Variants in MARK1 observed in about 807,000 individuals in gnomAD.
MARK1 encodes serine/threonine-protein kinase MARK1.
In MARK1, 40 loss-of-function variants were observed where a neutral mutation model predicts 96.3. The observed-to-expected ratio is 0.42, with a 90% CI of 0.32 to 0.54. The LOEUF is 0.54. Ranked by LOEUF, MARK1 falls within the 20% of genes least tolerant of loss-of-function variation. The pLI is 0.16. For synonymous variants in MARK1, 317 were observed against 341.2 expected (o/e 0.93, Z 0.78); for missense variants, 719 against 984.6 (o/e 0.73, Z 3.61).
rs987153662 is a variant in MARK1 at position 220,635,241 on chromosome 1, T to A, written c.1123-135T>A. 1.5e-5 allele frequency: 12 copies of A among 814,550 alleles called. No homozygotes were observed. The African/African-American group carries it at 1.6e-4, about 11-fold the overall frequency. The allele number at this position is 814,550 out of a possible 1,614,324, so 50.5% of individuals were successfully genotyped here. Reference sequence around the variant, plus strand: ...TGCCAACTTAAAGTTCTAGGCCCAATACTACACTGTTTTTTCAGTTTGGAT... The same window carrying A: ...TGCCAACTTAAAGTTCTAGGCCCAAAACTACACTGTTTTTTCAGTTTGGAT... On this transcript the variant is annotated intron_variant, in intron 11 of 17. Transcript: ENST00000366917.
At chr1:220,631,199 C>A in intron 10 of MARK1, 65 bp downstream of exon 10, 3 of 1,024,596 alleles carry the variant, frequency 2.9e-6, no homozygotes, top group Non-Finnish European at 3.0e-6. Flanking sequence ...TTTAGTGTGC[C>A]AAAATAGTGT....
In MARK1 at chr1:220,608,853, T is replaced by TA. The variant is rs528807745; in HGVS notation, c.495+4717dup. Among the ~76,000 whole-genome samples, 271 of 152,352 alleles carry TA rather than the reference T, an allele frequency of 1.8e-3. 1 individual carries two copies. The highest frequency in any genetic ancestry group is 6.1e-3 in the African/African-American group (255 of 41,588). On this transcript the variant is annotated intron_variant, in intron 6 of 17. Transcript: ENST00000366917. Reference sequence around the variant, plus strand: ...AGGAGCAGGTTGTTCAGTTCCCATGTAGTTGTGCGGTTTTGAGTGAGTTTC... The same window carrying TA: ...AGGAGCAGGTTGTTCAGTTCCCATGTAAGTTGTGCGGTTTTGAGTGAGTTTC...
rs559505056 is a variant in MARK1, at chr1:220,651,385, A to T, written c.1572-601A>T. 5.9e-5 allele frequency among the ~76,000 whole-genome samples: 9 copies of T among 152,288 alleles called. No individual in the cohort carries two copies. The East Asian group carries it at 1.7e-3, about 29-fold the overall frequency. On this transcript the variant is annotated intron_variant, in intron 14 of 17. Transcript: ENST00000366917. ...TTCTCACTTAATAAGAATGTAAAGT[A>T]AGTGCTATTGTAAGGCATACAAAGA...
intron 3 of MARK1, among the ~76,000 whole-genome samples, chr1:220,591,463 G>T (rs2102879084): frequency 6.6e-6 from 1 of 152,256 alleles, no homozygotes; most frequent in African/African-American, 2.4e-5. Flanking sequence ...GATGTACTTT[G>T]TCAAGACAAG....
At chr1:220,633,988 G>A (rs1271936791) in intron 11 of MARK1, among the ~76,000 whole-genome samples, 1 of 152,138 alleles carries the variant, frequency 6.6e-6, no homozygotes, top group Admixed American at 6.5e-5. Context: ...GCCAGGAACT[G>A]TTCTAAGGAC....
At chr1:220,573,673 T>C (rs994411717) in intron 1 of MARK1, among the ~76,000 whole-genome samples, 1 of 152,134 alleles carries the variant, frequency 6.6e-6, no homozygotes, top group Non-Finnish European at 1.5e-5. Flanking sequence ...TAAGATTGGC[T>C]ATATTTTATT....
intron 1 of MARK1, among the ~76,000 whole-genome samples, chr1:220,530,996 T>G (rs1011623771): frequency 1.3e-5 from 2 of 152,192 alleles, no homozygotes; most frequent in Admixed American, 1.3e-4. Flanking sequence ...TAAGATAAAG[T>G]CTCTCCCTGC....
At chr1:220,532,173 A>C (rs570909288) in intron 1 of MARK1, among the ~76,000 whole-genome samples, 77 of 152,316 alleles carry the variant, frequency 5.1e-4, no homozygotes, top group Middle Eastern at 6.8e-3. Flanking sequence ...AAAGCCTTTA[A>C]TAAAAAAAGA....
chr1:220,597,122 T>C (rs1169925402), intron 3 of MARK1, among the ~76,000 whole-genome samples: 1 of 152,186 alleles, frequency 6.6e-6, no homozygotes, highest in African/African-American at 2.4e-5. Flanking sequence ...TCTTCATCTG[T>C]TGATAGACTC....
At chr1:220,573,107 T>C (rs1242904600) in intron 1 of MARK1, among the ~76,000 whole-genome samples, 1 of 152,146 alleles carries the variant, frequency 6.6e-6, no homozygotes, top group African/African-American at 2.4e-5. Flanking sequence ...TTGACAGTGA[T>C]CTTCTACACT....
chr1:220,551,674 A>T (rs1485543120), intron 1 of MARK1, among the ~76,000 whole-genome samples: 1 of 152,198 alleles, frequency 6.6e-6, no homozygotes, highest in East Asian at 1.9e-4. Flanking sequence ...ATGTTGAATG[A>T]TGGAGAAATG....
chr1:220,641,778 G>A (rs1041765177), intron 13 of MARK1, among the ~76,000 whole-genome samples: 12 of 151,752 alleles, frequency 7.9e-5, no homozygotes, highest in Non-Finnish European at 1.3e-4. Context: ...AAGGAAAAGC[G>A]GCAGGGGTGG....
At chr1:220,604,164 T>TG in intron 6 of MARK1, 27 bp downstream of exon 6, 1 of 1,529,094 alleles carries the variant, frequency 6.5e-7, no homozygotes, top group African/African-American at 1.4e-5. Context: ...TCAACTTTGT[T>TG]TTGCTGATAA....
In MARK1 at chr1:220,586,009, A is replaced by ACACACG. The variant is rs1553322887; in HGVS notation, c.309+4894_309+4895insACGCAC. ...TACACACACACACACACACACACACACACGCGCGCGTGCGCAGAGAGAGAG... is the reference window on the plus strand; with the variant it reads ...TACACACACACACACACACACACACACACACGCACGCGCGCGTGCGCAGAGAGAGAG... On this transcript the variant is annotated intron_variant, in intron 3 of 17. Coordinates refer to ENST00000366917, the MANE Select transcript of MARK1 (RefSeq NM_018650.5). Among the ~76,000 whole-genome samples the ACACACG allele has an allele frequency of 3.4e-3, 441 of 129,718 alleles. 2 individuals are homozygous for ACACACG. The highest frequency in any genetic ancestry group is 0.012 in the African/African-American group (415 of 35,622). The allele number at this position is 129,718 out of a possible 152,430, so 85.1% of individuals were successfully genotyped here.
intron 13 of MARK1, 81 bp from the exon 14 acceptor site, chr1:220,650,539 C>A: frequency 1.2e-6 from 1 of 849,096 alleles, no homozygotes; most frequent in South Asian, 1.7e-5. Flanking sequence ...GGATTTTTCT[C>A]AAAGTCAGCT....
chr1:220,561,304 G>T (rs1010643070), intron 1 of MARK1, among the ~76,000 whole-genome samples: 2 of 152,100 alleles, frequency 1.3e-5, no homozygotes, highest in Non-Finnish European at 2.9e-5. Context: ...ATGCAGTCCA[G>T]GGCAGCTTTG....
At chr1:220,627,532 G>A (rs1667420265) in intron 9 of MARK1, 2 of 352,556 alleles carry the variant, frequency 5.7e-6, no homozygotes, top group African/African-American at 2.2e-5. Flanking sequence ...CTATTTCTCT[G>A]TGTATTTATA....
chr1:220,603,921 C>T, intron 5 of MARK1, 146 bp from the exon 6 acceptor site: 2 of 473,462 alleles, frequency 4.2e-6, no homozygotes, highest in South Asian at 4.8e-5. Flanking sequence ...TTTTTCTATT[C>T]ATGTGTTAGT....
chr1:220,568,920 C>G (rs1194999511), intron 1 of MARK1, among the ~76,000 whole-genome samples: 1 of 152,096 alleles, frequency 6.6e-6, no homozygotes, highest in African/African-American at 2.4e-5. Flanking sequence ...AAACTAATTA[C>G]TAGAAGTAAA....
Sources: gnomAD v4.1 joint callset for allele counts (sites outside exome capture counted in the v4.1 genomes callset) on GRCh38, gnomAD v4.1.1 for gene constraint, MANE v1.5 for transcripts, NCBI Gene and HGNC (gene_info 2026-07-23, HGNC 2026-07-21) for gene names.